CCDC144A: variants seen among roughly 807,000 people sequenced by gnomAD.
CCDC144A encodes coiled-coil domain-containing protein 144A.
CCDC144A carries 41 observed loss-of-function variants against 143.8 expected under a neutral mutation model. The observed-to-expected ratio is 0.29, with a 90% CI of 0.22 to 0.37. CCDC144A has a LOEUF of 0.37. Among genes scored for constraint, CCDC144A ranks in the 10% least tolerant of loss-of-function variants. CCDC144A has a pLI of 1.00. For missense variants in CCDC144A, 637 were observed against 1,488.8 expected, an observed-to-expected ratio of 0.43 and a Z score of 9.41; for synonymous variants, 242 against 517.9, an observed-to-expected ratio of 0.47 and a Z score of 7.23.
chr17:16,672,046 G>A, the CCDC144A span, among the ~76,000 whole-genome samples: 13 of 152,100 alleles, frequency 8.5e-5, no homozygotes, highest in South Asian at 2.3e-3. Context: ...ATGAGTTACC[G>A]TTTTGTAATA....
intron 15 of CCDC144A, chr17:16,766,404 C>T (rs914742771): frequency 2.0e-5 from 3 of 152,250 alleles, no homozygotes; most frequent in Non-Finnish European, 2.9e-5. Context: ...ACCAGAAAAA[C>T]AAGGTAATGT....
chr17:16,726,003 T>C (rs1248267061), intron 8 of CCDC144A, among the ~76,000 whole-genome samples: 2 of 152,150 alleles, frequency 1.3e-5, no homozygotes, highest in Admixed American at 1.3e-4. Flanking sequence ...TGGTGATGTC[T>C]AATCTGTGTT....
chr17:16,670,675 T>C, the CCDC144A span, among the ~76,000 whole-genome samples: 7 of 151,734 alleles, frequency 4.6e-5, no homozygotes, highest in South Asian at 2.1e-4. Flanking sequence ...GCCTGGCTAA[T>C]TTTTATATTG....
chr17:16,766,903 T>C (rs1915621787), intron 15 of CCDC144A: 1 of 152,148 alleles, frequency 6.6e-6, no homozygotes, highest in South Asian at 2.1e-4. Context: ...AAAGTTAATG[T>C]TAATGTAGTA....
intron 11 of CCDC144A, 92 bp from the exon 12 acceptor site, chr17:16,734,597 GC>G (rs1459188908): frequency 7.9e-7 from 1 of 1,263,574 alleles, no homozygotes; most frequent in East Asian, 2.6e-5. Flanking sequence ...TCCACTTATG[GC>G]AATCTTTTCA....
upstream of CCDC144A, among the ~76,000 whole-genome samples, chr17:16,688,484 G>GTTTTTTTTTTT (rs66493875): frequency 8.4e-5 from 6 of 71,622 alleles, no homozygotes; most frequent in African/African-American, 3.2e-4. Context: ...TTCTTTTTCT[G>GTTTTTTTTTTT]TTTTTTTTTT....
rs1188374700 is a variant in CCDC144A, at chr17:16,700,081, G to C, written c.416-5070G>C. Among the ~76,000 whole-genome samples, 5 of 152,206 alleles carry C rather than the reference G, an allele frequency of 3.3e-5. No individual in the cohort carries two copies. In the East Asian group the frequency reaches 9.6e-4, roughly 29 times the overall value. ...TGAGGTTTGGTAATTCACTGAGAAGGACTCACAGGACTCAGCAGATAGTCA... is the reference window on the plus strand; with the variant it reads ...TGAGGTTTGGTAATTCACTGAGAAGCACTCACAGGACTCAGCAGATAGTCA... On this transcript the variant is annotated intron_variant, in intron 2 of 16. Transcript: ENST00000399273.
At chr17:16,708,406 G>A (rs1001373372) in intron 4 of CCDC144A, among the ~76,000 whole-genome samples, 1 of 152,052 alleles carries the variant, frequency 6.6e-6, no homozygotes, top group Non-Finnish European at 1.5e-5. Context: ...TAGTACTTAC[G>A]TGTACTGTAG....
the CCDC144A span, among the ~76,000 whole-genome samples, chr17:16,667,547 T>A: frequency 6.6e-6 from 1 of 152,260 alleles, no homozygotes; most frequent in African/African-American, 2.4e-5. Flanking sequence ...GCACGTCACG[T>A]GGCAGAATCC....
At chr17:16,710,821 G>C in intron 5 of CCDC144A, among the ~76,000 whole-genome samples, 1 of 152,106 alleles carries the variant, frequency 6.6e-6, no homozygotes, top group Non-Finnish European at 1.5e-5. Flanking sequence ...GAATTTGTCT[G>C]ATTCAGTATT....
chr17:16,691,113 G>T (rs1228466968), intron 1 of CCDC144A, among the ~76,000 whole-genome samples: 9 of 152,110 alleles, frequency 5.9e-5, no homozygotes, highest in Admixed American at 2.0e-4. Flanking sequence ...ACTTTGGGAG[G>T]CCGAGGAGGG....
At position 16,709,207 on chromosome 17, in the gene CCDC144A, C is replaced by G; in HGVS notation, c.1150C>G (p.Gln384Glu). 6.2e-7 allele frequency: 1 copy of G among 1,611,668 alleles called. No homozygotes were observed. Residue 384 changes from glutamine (Q) to glutamate (E), a missense_variant, in exon 5 of 17, where the codon CAG becomes GAG. Coordinates refer to ENST00000399273, the MANE Select transcript of CCDC144A (RefSeq NM_001382000.1). The stretch of plus-strand genomic sequence containing the variant: ...ATACTATCATCCATACTCTGGGTCC[C>G]AGGAACATGTTTGCCAGTCATCTTC... ...HPYYHPYSGS[Q>E]EHVCQSSSKF...
chr17:16,753,438 T>TGTTGTTGTTGTTG lies in CCDC144A; in HGVS notation c.3373-7987_3373-7986insGTTGTTGTTGTTG, dbSNP rs1555535618. ...TGTCAGTGTTTTGTAGTTTTTTTTT[T>TGTTGTTGTTGTTG]TTTTTTTTTTTTTTTTTTGTAAAGC... On this transcript the variant is annotated intron_variant, in intron 12 of 16. Transcript: ENST00000399273. Among the ~76,000 whole-genome samples, 90 of 120,552 alleles carry TGTTGTTGTTGTTG rather than the reference T, an allele frequency of 7.5e-4. 1 individual carries two copies. The highest frequency in any genetic ancestry group is 3.5e-3 in the African/African-American group (88 of 24,868). The allele number at this position is 120,552 out of a possible 152,430, so 79.1% of individuals were successfully genotyped here. A position where few individuals can be genotyped will look rare whatever the true frequency, so the allele number is the denominator to read the frequency against.
At chr17:16,679,448 G>A in the CCDC144A span, among the ~76,000 whole-genome samples, 9 of 151,890 alleles carry the variant, frequency 5.9e-5, no homozygotes, top group South Asian at 4.2e-4. Context: ...CAATCATTTC[G>A]TGTTGAGGTT....
Position 16,738,288 on chromosome 17 carries a change from G to C in CCDC144A, c.3372+2645G>C, listed in dbSNP as rs566797271. ...GTATAGTATGTACATCCAAAGTAGA[G>C]AATTAAGAGATATATCTAGATTCTA... On this transcript the variant is annotated intron_variant, in intron 12 of 16. Coordinates refer to ENST00000399273, the MANE Select transcript of CCDC144A (RefSeq NM_001382000.1). Among the ~76,000 whole-genome samples the C allele has an allele frequency of 3.7e-3, 514 of 140,308 alleles. 6 individuals carry two copies. The highest frequency in any genetic ancestry group is 0.013 in the African/African-American group (488 of 36,960). The allele number at this position is 140,308 out of a possible 152,430, so 92.0% of individuals were successfully genotyped here. A position where few individuals can be genotyped will look rare whatever the true frequency, so the allele number is the denominator to read the frequency against.
the CCDC144A span, among the ~76,000 whole-genome samples, chr17:16,673,911 A>G: frequency 6.6e-6 from 1 of 152,106 alleles, no homozygotes; most frequent in African/African-American, 2.4e-5. Context: ...AAGTAACTAC[A>G]TTTCTTTTAA....
chr17:16,673,678 G>A, the CCDC144A span, among the ~76,000 whole-genome samples: 5 of 152,068 alleles, frequency 3.3e-5, no homozygotes, highest in Admixed American at 6.6e-5. Context: ...GAGCCACCAC[G>A]CCCGGCCTAT....
intron 12 of CCDC144A, among the ~76,000 whole-genome samples, chr17:16,760,201 T>G (rs1915299099): frequency 6.6e-6 from 1 of 151,702 alleles, no homozygotes; most frequent in Non-Finnish European, 1.5e-5. Context: ...CCACATTGTG[T>G]TCCGGAGAAA....
At chr17:16,710,128 C>T (rs1912315288) in intron 5 of CCDC144A, 1 of 174,674 alleles carries the variant, frequency 5.7e-6, no homozygotes, top group Non-Finnish European at 1.2e-5. Flanking sequence ...TCATTTGAGG[C>T]CAGGCATTCT....
Sources: gnomAD v4.1 joint callset for allele counts (sites outside exome capture counted in the v4.1 genomes callset) on GRCh38, gnomAD v4.1.1 for gene constraint, MANE v1.5 for transcripts, NCBI Gene and HGNC (gene_info 2026-07-23, HGNC 2026-07-21) for gene names.